The following TENM3 variants were observed in gnomAD, a reference collection of about 807,000 sequenced individuals.
The protein encoded by TENM3 is teneurin-3.
A neutral mutation model predicts 255.1 loss-of-function variants in TENM3; 63 were observed. That is an observed-to-expected ratio of 0.25 (90% confidence interval 0.20 to 0.30). TENM3 has a LOEUF of 0.30. Ranked by LOEUF, TENM3 falls within the 10% of genes least tolerant of loss-of-function variation. The pLI is 1.00. For missense variants in TENM3, 2,929 were observed against 3,461.1 expected (o/e 0.85, Z 3.86); for synonymous variants, 1,306 against 1,322.3 (o/e 0.99, Z 0.27).
At chr4:182,371,413 A>C (rs145052989) in intron 3 of TENM3, among the ~76,000 whole-genome samples, 41 of 152,234 alleles carry the variant, frequency 2.7e-4, no homozygotes, top group African/African-American at 9.6e-4. Flanking sequence ...TCTGCCCTCA[A>C]ATATGTCTTC....
intron 3 of TENM3, among the ~76,000 whole-genome samples, chr4:182,428,854 C>T (rs1771424238): frequency 6.6e-6 from 1 of 152,034 alleles, no homozygotes; most frequent in Admixed American, 6.6e-5. Context: ...TTTTCTGTCT[C>T]TGATGGTAAC....
At chr4:181,791,633 C>G in the TENM3 span, among the ~76,000 whole-genome samples, 3 of 152,232 alleles carry the variant, frequency 2.0e-5, no homozygotes, top group East Asian at 3.9e-4. Flanking sequence ...AAATGAGAGA[C>G]GAAACAGCAT....
At chr4:181,605,490 GA>G in the TENM3 span, among the ~76,000 whole-genome samples, 1 of 7,344 alleles carries the variant, frequency 1.4e-4, no homozygotes, top group South Asian at 4.8e-3. Context: ...GAGAAAGAAA[GA>G]AAGAAAGAAA....
intron 12 of TENM3, 76 bp from the exon 13 acceptor site, chr4:182,714,011 T>C: frequency 8.1e-7 from 1 of 1,232,810 alleles, no homozygotes; most frequent in Non-Finnish European, 1.2e-6. Context: ...TCCCACTAAG[T>C]GTCCCTTATC....
the TENM3 span, chr4:181,906,137 TG>T: frequency 3.2e-6 from 1 of 316,086 alleles, no homozygotes; most frequent in Non-Finnish European, 6.4e-6. Context: ...TTTGGGAAGG[TG>T]TGTATAAACA....
chr4:182,369,642 A>G (rs1766661677), intron 3 of TENM3, among the ~76,000 whole-genome samples: 1 of 152,142 alleles, frequency 6.6e-6, no homozygotes, highest in African/African-American at 2.4e-5. Flanking sequence ...GCACTTTGGG[A>G]GGCTGAGGCA....
chr4:182,519,496 G>A (rs911729775), intron 3 of TENM3, among the ~76,000 whole-genome samples: 9 of 152,056 alleles, frequency 5.9e-5, no homozygotes, highest in Non-Finnish European at 1.3e-4. Context: ...GTTTATTTCA[G>A]TATCTCAGGA....
chr4:182,384,432 CAA>C (rs933071829), intron 3 of TENM3, among the ~76,000 whole-genome samples: 17 of 151,060 alleles, frequency 1.1e-4, no homozygotes, highest in African/African-American at 4.1e-4. Context: ...TGTTTACAAA[CAA>C]AGAGTATAAA....
chr4:182,582,019 A>G (rs1745540688), intron 3 of TENM3, among the ~76,000 whole-genome samples: 1 of 152,174 alleles, frequency 6.6e-6, no homozygotes, highest in Non-Finnish European at 1.5e-5. Flanking sequence ...TAATTATAAA[A>G]CTGGAAACTA....
chr4:182,802,869 G>A lies in TENM3; in HGVS notation c.*2518G>A, dbSNP rs1767065514. On this transcript the variant is annotated 3_prime_UTR_variant, in exon 28 of 28. Coordinates refer to ENST00000511685, the MANE Select transcript of TENM3 (RefSeq NM_001080477.4). ...ATTCAAAGTATTTTAGGCAAAGCCA[G>A]TCAAAATGCTTTCATGATATTTTGA... is the stretch of plus-strand genomic sequence containing the variant. 1 of 152,628 alleles carries A rather than the reference G, an allele frequency of 6.6e-6. No individual in the cohort carries two copies. Among genetic ancestry groups the A allele is most frequent in the South Asian group, 2.1e-4 (1 of 4,832 alleles). The allele number at this position is 152,628 out of a possible 1,614,324, so 9.5% of individuals were successfully genotyped here. A position where few individuals can be genotyped will look rare whatever the true frequency, so the allele number is the denominator to read the frequency against.
At chr4:182,175,154 T>A (rs1430040788) in intron 1 of TENM3, among the ~76,000 whole-genome samples, 4 of 151,984 alleles carry the variant, frequency 2.6e-5, no homozygotes, top group African/African-American at 7.2e-5. Context: ...TTAATTTTCT[T>A]AGTGGCTCCT....
At chr4:182,517,415 G>T (rs568017398) in intron 3 of TENM3, among the ~76,000 whole-genome samples, 1 of 111,278 alleles carries the variant, frequency 9.0e-6, no homozygotes, top group East Asian at 2.9e-4. Flanking sequence ...ACGGAGTCTC[G>T]CTCTGTCGCC....
chr4:181,461,640 C>G, the TENM3 span, among the ~76,000 whole-genome samples: 1 of 152,106 alleles, frequency 6.6e-6, no homozygotes, highest in Non-Finnish European at 1.5e-5. Flanking sequence ...AATGTATTAT[C>G]TGCTATTAAT....
At chr4:182,690,199 A>T (rs1389874668) in intron 12 of TENM3, among the ~76,000 whole-genome samples, 2 of 152,212 alleles carry the variant, frequency 1.3e-5, no homozygotes, top group African/African-American at 4.8e-5. Context: ...CGCTTGTTGC[A>T]TTGGAGCTTC....
At chr4:181,871,481 G>A in the TENM3 span, among the ~76,000 whole-genome samples, 2 of 151,906 alleles carry the variant, frequency 1.3e-5, no homozygotes, top group Non-Finnish European at 2.9e-5. Flanking sequence ...GAATATTTAT[G>A]TAAACAGTCA....
At chr4:181,509,396 A>ATT in the TENM3 span, among the ~76,000 whole-genome samples, 14 of 147,712 alleles carry the variant, frequency 9.5e-5, no homozygotes, top group East Asian at 6.0e-4. Flanking sequence ...CTAAGGTGCA[A>ATT]TTTTTTTTTT....
chr4:181,936,905 C>T, the TENM3 span, among the ~76,000 whole-genome samples: 2 of 152,126 alleles, frequency 1.3e-5, no homozygotes, highest in African/African-American at 4.8e-5. Flanking sequence ...AACAATGTTT[C>T]CTGCCCCCCA....
intron 4 of TENM3, among the ~76,000 whole-genome samples, chr4:182,616,465 G>A (rs967167578): frequency 7.4e-6 from 1 of 135,024 alleles, no homozygotes; most frequent in Non-Finnish European, 1.5e-5. Flanking sequence ...TGGCACATGT[G>A]TACATATGTA....
intron 1 of TENM3, among the ~76,000 whole-genome samples, chr4:182,166,896 A>T (rs1174526561): frequency 1.3e-5 from 2 of 151,966 alleles, no homozygotes; most frequent in African/African-American, 4.8e-5. Context: ...TTAAAGACTT[A>T]GAATATCATA....
Sources: allele counts gnomAD v4.1 joint callset (sites outside exome capture counted in the v4.1 genomes callset), GRCh38; gene constraint gnomAD v4.1.1; transcripts MANE v1.5; gene names NCBI Gene and HGNC (gene_info 2026-07-23, HGNC 2026-07-21).